Variants in TRAT1 observed in about 807,000 individuals in gnomAD.
TRAT1 encodes T cell receptor associated transmembrane adaptor 1.
In TRAT1, 20 loss-of-function variants were observed where a neutral mutation model predicts 20.0. The observed-to-expected ratio is 1.00, with a 90% CI of 0.70 to 1.45. The LOEUF is 1.45. TRAT1 is among the 40% of genes most tolerant of loss of function. The pLI, the probability that TRAT1 is intolerant of heterozygous loss-of-function variation, is 0.00. For synonymous variants in TRAT1, 77 were observed against 74.2 expected (o/e 1.04, Z -0.20); for missense variants, 237 against 224.1 (o/e 1.06, Z -0.37).
At chr3:108,844,081 A>G (rs975696474) in intron 3 of TRAT1, among the ~76,000 whole-genome samples, 4 of 152,160 alleles carry the variant, frequency 2.6e-5, no homozygotes, top group Non-Finnish European at 5.9e-5. Context: ...CCAACTTCTG[A>G]TGGATCCCAA....
intron 2 of TRAT1, among the ~76,000 whole-genome samples, chr3:108,833,879 G>A (rs114751760): frequency 0.011 from 1,695 of 151,992 alleles, 22 homozygotes; most frequent in African/African-American, 0.039. Flanking sequence ...TAGATCTGGT[G>A]CAGCCCATCA....
Position 108,853,730 on chromosome 3 carries a change from G to A in TRAT1, c.414G>A (p.Glu138=). 1 of 1,614,148 alleles carries A rather than the reference G, an allele frequency of 6.2e-7. No homozygotes were observed. The highest frequency in any genetic ancestry group is 8.5e-7 in the Non-Finnish European group (1 of 1,180,006). ...ATTTCTCAGACAAGGATGGAGATGA[G>A]CAACTACATGCAATAGATGCCAGCG... ...NTHFSDKDGD[E]QLHAIDASVS... is the part of the protein sequence containing the mutation. Residue 138 remains glutamate, a synonymous_variant, in exon 6 of 6, where the codon GAG becomes GAA. Coordinates refer to ENST00000295756, the MANE Select transcript of TRAT1 (RefSeq NM_016388.4).
At chr3:108,825,353 T>C (rs1357566173) in intron 1 of TRAT1, among the ~76,000 whole-genome samples, 1 of 152,132 alleles carries the variant, frequency 6.6e-6, no homozygotes. Flanking sequence ...AATCAAATGG[T>C]GAAAACAAGT....
intron 5 of TRAT1, 71 bp downstream of exon 5, chr3:108,849,325 C>T: frequency 8.0e-7 from 1 of 1,253,818 alleles, no homozygotes; most frequent in South Asian, 1.3e-5. Flanking sequence ...TGATACACAT[C>T]TGAAATAGCC....
At chr3:108,844,319 AT>A (rs1163841021) in intron 3 of TRAT1, among the ~76,000 whole-genome samples, 3,370 of 142,926 alleles carry the variant, frequency 0.024, 91 homozygotes, top group African/African-American at 0.07. Context: ...AGAAGTAGTG[AT>A]TTTTTTTTTT....
In TRAT1 at chr3:108,847,104, TGG is replaced by T; in HGVS notation, c.190_191del (p.Gly64Ter). 6.5e-7 allele frequency: 1 copy of T among 1,545,268 alleles called. No individual in the cohort carries two copies. The highest frequency in any genetic ancestry group is 8.9e-7 in the Non-Finnish European group (1 of 1,126,320). On this transcript the variant is annotated frameshift_variant, in exon 4 of 6. Transcript: ENST00000295756. LOFTEE classifies it high-confidence loss of function. The stretch of plus-strand genomic sequence containing the variant: ...ATTATATTGAAGACACACCAATTTA[TGG>T]TAACTTAGATGATATGATTTCAGGT... ...EYYIEDTPIY[G>X]NLDDMISEPM...
In TRAT1 at chr3:108,822,907, AT is replaced by A; in HGVS notation, c.-18del. ...ATATTTGTCTTATGGCTAGATAAAGATTTCTCTGAAAAAAAGAAGCATGTCA... is the reference window on the plus strand; with the variant it reads ...ATATTTGTCTTATGGCTAGATAAAGATTCTCTGAAAAAAAGAAGCATGTCA... On this transcript the variant is annotated 5_prime_UTR_variant, in exon 1 of 6. Coordinates refer to ENST00000295756, the MANE Select transcript of TRAT1 (RefSeq NM_016388.4). The A allele has an allele frequency of 6.2e-7, 1 of 1,608,530 alleles. No individual in the cohort carries two copies. The highest frequency in any genetic ancestry group is 8.5e-7 in the Non-Finnish European group (1 of 1,175,974).
At chr3:108,851,813 T>C (rs1946000664) in intron 5 of TRAT1, among the ~76,000 whole-genome samples, 1 of 152,346 alleles carries the variant, frequency 6.6e-6, no homozygotes, top group Non-Finnish European at 1.5e-5. Flanking sequence ...CTATTAAACA[T>C]ACAATTTGTG....
At chr3:108,838,617 C>T (rs568729269) in intron 2 of TRAT1, among the ~76,000 whole-genome samples, 91 of 152,252 alleles carry the variant, frequency 6.0e-4, no homozygotes, top group Middle Eastern at 3.4e-3. Flanking sequence ...CTTAGTGTTT[C>T]TGTGCATAAA....
chr3:108,837,339 A>C (rs1167937804), intron 2 of TRAT1, among the ~76,000 whole-genome samples: 1 of 152,136 alleles, frequency 6.6e-6, no homozygotes, highest in Admixed American at 6.5e-5. Flanking sequence ...GCTCCGCAAA[A>C]TCTTCCCTCA....
At chr3:108,839,034 T>C in intron 3 of TRAT1, 67 bp downstream of exon 3, 1 of 1,253,964 alleles carries the variant, frequency 8.0e-7, no homozygotes, top group Non-Finnish European at 1.2e-6. Context: ...TGCTATATTG[T>C]TTAAAGATTT....
At chr3:108,852,350 C>T (rs573776263) in intron 5 of TRAT1, among the ~76,000 whole-genome samples, 20 of 152,040 alleles carry the variant, frequency 1.3e-4, no homozygotes, top group Admixed American at 5.2e-4. Context: ...CACTGCACTC[C>T]AGCCTGGGTG....
chr3:108,853,924 T>C lies in TRAT1; in HGVS notation c.*47T>C, dbSNP rs1380931562. 1.3e-6 allele frequency: 2 copies of C among 1,589,328 alleles called. No individual in the cohort carries two copies. Among genetic ancestry groups the C allele is most frequent in the African/African-American group, 2.7e-5 (2 of 74,236 alleles). On this transcript the variant is annotated 3_prime_UTR_variant, in exon 6 of 6. Coordinates refer to ENST00000295756, the MANE Select transcript of TRAT1 (RefSeq NM_016388.4). ...TGATTTGGCTCCTATTGAAGATGGC[T>C]TCTAAGAAAACAAGATGCACAGAGG...
chr3:108,852,263 C>T (rs375909074), intron 5 of TRAT1, among the ~76,000 whole-genome samples: 2 of 152,142 alleles, frequency 1.3e-5, no homozygotes, highest in African/African-American at 2.4e-5. Flanking sequence ...CACCTATAAT[C>T]CCAGCTACTT....
Position 108,844,985 on chromosome 3 carries a change from A to C in TRAT1, c.153-2083A>C, listed in dbSNP as rs183565623. 1.6e-4 allele frequency among the ~76,000 whole-genome samples: 24 copies of C among 152,084 alleles called. 1 individual carries two copies. The highest frequency in any genetic ancestry group is 1.6e-3 in the Admixed American group (24 of 15,256). ...AAATGTACTTACTGGTTAGAGAATTATTTCAGGCATGTTCAGAACAATGGA... is the reference window on the plus strand; with the variant it reads ...AAATGTACTTACTGGTTAGAGAATTCTTTCAGGCATGTTCAGAACAATGGA... On this transcript the variant is annotated intron_variant, in intron 3 of 5. Coordinates refer to ENST00000295756, the MANE Select transcript of TRAT1 (RefSeq NM_016388.4).
At chr3:108,838,876 TA>T in intron 2 of TRAT1, 57 bp from the exon 3 acceptor site, 1 of 1,327,864 alleles carries the variant, frequency 7.5e-7, no homozygotes. Flanking sequence ...CACTTTAGAA[TA>T]TTTAACAAAG....
At chr3:108,838,318 G>GTAGATAGA (rs10575816) in intron 2 of TRAT1, among the ~76,000 whole-genome samples, 1 of 143,346 alleles carries the variant, frequency 7.0e-6, no homozygotes, top group African/African-American at 2.8e-5. Context: ...AATGTTAAAA[G>GTAGATAGA]TAGATAGATA....
In TRAT1 at chr3:108,830,706, T is replaced by A; in HGVS notation, c.44T>A (p.Leu15Gln). 1.2e-6 allele frequency: 2 copies of A among 1,613,904 alleles called. No individual in the cohort carries two copies. The highest frequency in any genetic ancestry group is 1.7e-6 in the Non-Finnish European group (2 of 1,179,770). ...TGCCCCTTTTTCCTCTGGGGACTTC[T>A]AGCATTGTTGGGCTTGGCTTTGGTT... Reference protein sequence around the residue: ...SGCPFFLWGLLALLGLALVIS... With the variant: ...SGCPFFLWGLQALLGLALVIS... Residue 15 changes from leucine (L) to glutamine (Q), a missense_variant, in exon 2 of 6, where the codon CTA becomes CAA. Transcript: ENST00000295756.
At chr3:108,843,782 G>C (rs1165806745) in intron 3 of TRAT1, among the ~76,000 whole-genome samples, 1 of 151,984 alleles carries the variant, frequency 6.6e-6, no homozygotes, top group African/African-American at 2.4e-5. Flanking sequence ...GTTTCAGCTT[G>C]CTGAGTCCCT....
Sources: allele counts gnomAD v4.1 joint callset (sites outside exome capture counted in the v4.1 genomes callset), GRCh38; gene constraint gnomAD v4.1.1; transcripts MANE v1.5; gene names NCBI Gene and HGNC (gene_info 2026-07-23, HGNC 2026-07-21).